The following CTIF variants were observed in gnomAD, a reference collection of about 807,000 sequenced individuals.
CTIF encodes the protein cap binding complex dependent translation initiation factor, also known as CBP80/20-dependent translation initiation factor.
Under a neutral mutation model 66.0 loss-of-function variants are expected in CTIF, and 21 were observed. The observed-to-expected ratio is 0.32, with a 90% CI of 0.23 to 0.46. The LOEUF (loss-of-function observed/expected upper bound fraction) is 0.46, where lower values mean the gene tolerates loss of function less well. Among genes scored for constraint, CTIF ranks in the 20% least tolerant of loss-of-function variants. The pLI is 1.00. For missense variants in CTIF, 739 were observed against 812.7 expected (o/e 0.91, Z 1.10); for synonymous variants, 345 against 326.4 (o/e 1.06, Z -0.62).
In CTIF at chr18:48,700,900, T is replaced by G. The variant is rs181029469; in HGVS notation, c.508-10719T>G. Among the ~76,000 whole-genome samples, 706 of 152,336 alleles carry G rather than the reference T, an allele frequency of 4.6e-3. 4 individuals are homozygous for G. Among genetic ancestry groups the G allele is most frequent in the Non-Finnish European group, 8.3e-3 (562 of 68,022 alleles). On this transcript the variant is annotated intron_variant, in intron 6 of 11. Coordinates refer to ENST00000256413, the MANE Select transcript of CTIF (RefSeq NM_014772.3). ...GCACCGTGGGCATCCTCTGAGGGTT[T>G]GTTGAGCATCACTCCTCTTCTAGAG...
chr18:48,597,705 T>C (rs1202488758), intron 1 of CTIF, among the ~76,000 whole-genome samples: 1 of 152,178 alleles, frequency 6.6e-6, no homozygotes, highest in Non-Finnish European at 1.5e-5. Context: ...TGCAGAACCA[T>C]GAACCAATGA....
chr18:48,779,315 C>A (rs1267343898), intron 9 of CTIF, among the ~76,000 whole-genome samples: 5 of 152,142 alleles, frequency 3.3e-5, no homozygotes, highest in Non-Finnish European at 7.3e-5. Context: ...GGGTTAACAG[C>A]CCCATTTTAT....
chr18:48,674,545 C>A (rs1380425214), intron 6 of CTIF, among the ~76,000 whole-genome samples: 1 of 152,234 alleles, frequency 6.6e-6, no homozygotes, highest in African/African-American at 2.4e-5. Flanking sequence ...GACACCTAGG[C>A]GTCTGGCCAA....
chr18:48,764,234 C>T (rs2145909095), intron 9 of CTIF, among the ~76,000 whole-genome samples: 1 of 152,342 alleles, frequency 6.6e-6, no homozygotes, highest in East Asian at 1.9e-4. Context: ...CAGTCACCCT[C>T]CTAGTATTCA....
At chr18:48,541,435 G>C (rs1043583484) in intron 1 of CTIF, among the ~76,000 whole-genome samples, 2 of 152,230 alleles carry the variant, frequency 1.3e-5, no homozygotes, top group Admixed American at 1.3e-4. Flanking sequence ...CAGAGCGCAG[G>C]GAGGGGCCGC....
At chr18:48,759,643 C>G (rs973958755) in intron 8 of CTIF, among the ~76,000 whole-genome samples, 16 of 152,222 alleles carry the variant, frequency 1.1e-4, no homozygotes, top group African/African-American at 3.9e-4. Context: ...AGTTACTCAT[C>G]TGTAAAATGG....
At chr18:48,748,223 T>A (rs1376506806) in intron 7 of CTIF, among the ~76,000 whole-genome samples, 1 of 152,042 alleles carries the variant, frequency 6.6e-6, no homozygotes, top group Admixed American at 6.6e-5. Context: ...CTGGATGGGC[T>A]TTCTGCTCAA....
intron 1 of CTIF, among the ~76,000 whole-genome samples, chr18:48,604,801 G>T (rs1265846254): frequency 6.6e-6 from 1 of 152,118 alleles, no homozygotes; most frequent in Non-Finnish European, 1.5e-5. Context: ...TCCTGCCTCA[G>T]TTGTAAGCAA....
At chr18:48,692,319 A>G (rs947624928) in intron 6 of CTIF, among the ~76,000 whole-genome samples, 1 of 112,428 alleles carries the variant, frequency 8.9e-6, no homozygotes, top group Admixed American at 7.9e-5. Flanking sequence ...AAACAAAAAC[A>G]AAACAAAAAA....
intron 1 of CTIF, among the ~76,000 whole-genome samples, chr18:48,553,169 C>T (rs1479412585): frequency 6.6e-6 from 1 of 152,214 alleles, no homozygotes; most frequent in Non-Finnish European, 1.5e-5. Flanking sequence ...ATGATCCCCA[C>T]CTTGTGCCAG....
intron 3 of CTIF, among the ~76,000 whole-genome samples, chr18:48,659,882 G>T (rs1047638830): frequency 1.3e-5 from 2 of 151,906 alleles, no homozygotes; most frequent in Admixed American, 1.3e-4. Flanking sequence ...GGATATCGCT[G>T]GGTTTCTTGT....
intron 9 of CTIF, among the ~76,000 whole-genome samples, chr18:48,813,351 C>T (rs2068299298): frequency 6.6e-6 from 1 of 152,188 alleles, no homozygotes; most frequent in South Asian, 2.1e-4. Flanking sequence ...TTATTTATAT[C>T]TGGTTGATTG....
chr18:48,787,980 G>T (rs909600515), intron 9 of CTIF, among the ~76,000 whole-genome samples: 1 of 152,180 alleles, frequency 6.6e-6, no homozygotes, highest in Admixed American at 6.5e-5. Flanking sequence ...GGTGACATGG[G>T]CAGGATCTCA....
At chr18:48,792,198 G>T (rs566695809) in intron 9 of CTIF, among the ~76,000 whole-genome samples, 2 of 152,116 alleles carry the variant, frequency 1.3e-5, no homozygotes, top group Non-Finnish European at 2.9e-5. Context: ...GGAGTGAGCC[G>T]TGCAGACCTG....
intron 2 of CTIF, among the ~76,000 whole-genome samples, chr18:48,633,364 A>G (rs1207707670): frequency 6.6e-6 from 1 of 152,174 alleles, no homozygotes; most frequent in Non-Finnish European, 1.5e-5. Flanking sequence ...ATACATACGT[A>G]TGTATATACA....
At chr18:48,859,053 TA>T (rs1333182569) in intron 11 of CTIF, among the ~76,000 whole-genome samples, 3 of 152,024 alleles carry the variant, frequency 2.0e-5, no homozygotes. Flanking sequence ...GGCTCTTGGG[TA>T]AAAGGGACAA....
At chr18:48,589,825 A>G (rs778501851) in intron 1 of CTIF, among the ~76,000 whole-genome samples, 15 of 152,204 alleles carry the variant, frequency 9.9e-5, no homozygotes, top group Non-Finnish European at 2.1e-4. Context: ...GTGAGATTAT[A>G]CATTTCAGCC....
intron 5 of CTIF, among the ~76,000 whole-genome samples, chr18:48,666,300 C>G (rs2091434191): frequency 6.6e-6 from 1 of 152,184 alleles, no homozygotes; most frequent in South Asian, 2.1e-4. Flanking sequence ...TTGTCCCACT[C>G]AACCTCTCCT....
At chr18:48,719,946 G>A (rs777251061) in intron 7 of CTIF, among the ~76,000 whole-genome samples, 14 of 152,300 alleles carry the variant, frequency 9.2e-5, no homozygotes, top group Middle Eastern at 6.8e-3. Context: ...TCAACAATAT[G>A]TATTAAATAA....
Sources: gnomAD v4.1 joint callset for allele counts (sites outside exome capture counted in the v4.1 genomes callset) on GRCh38, gnomAD v4.1.1 for gene constraint, MANE v1.5 for transcripts, NCBI Gene and HGNC (gene_info 2026-07-23, HGNC 2026-07-21) for gene names.